SLC25A20: variants seen among roughly 807,000 people sequenced by gnomAD.
SLC25A20 encodes mitochondrial carnitine/acylcarnitine carrier protein.
A neutral mutation model predicts 39.7 loss-of-function variants in SLC25A20; 29 were observed. That is an observed-to-expected ratio of 0.73 (90% CI 0.54 to 1.00). The LOEUF is 1.00. Among genes scored for constraint, SLC25A20 ranks in the 50% least tolerant of loss-of-function variants. SLC25A20 has a pLI of 0.00. For synonymous variants in SLC25A20, 103 were observed against 142.2 expected (o/e 0.72, Z 1.96); for missense variants, 333 against 379.9 (o/e 0.88, Z 1.03).
rs370343905 is a variant in SLC25A20, at chr3:48,861,397, TGTAA to T, written c.535+1141_535+1144del. On this transcript the variant is annotated intron_variant, in intron 5 of 8. Transcript: ENST00000319017. Reference sequence around the variant, plus strand: ...GATGCTGCTCTGGGCCAAGCACTGGTGTAAGTGAGTACAAACACACATGATATAA... The same window carrying T: ...GATGCTGCTCTGGGCCAAGCACTGGTGTGAGTACAAACACACATGATATAA... Among the ~76,000 whole-genome samples the T allele has an allele frequency of 3.6e-3, 548 of 152,286 alleles. 2 individuals are homozygous for T. The highest frequency in any genetic ancestry group is 0.013 in the African/African-American group (533 of 41,568).
In SLC25A20 at chr3:48,893,587, G is replaced by A. The variant is rs146811685; in HGVS notation, c.106-1515C>T. On this transcript the variant is annotated intron_variant, in intron 1 of 8. Transcript: ENST00000319017. ...CTCACTGTCTCGCCCATGCTGGAGTGCAGTGGTATGATCTTGGCTCACTGC... is the reference window on the plus strand; with the variant it reads ...CTCACTGTCTCGCCCATGCTGGAGTACAGTGGTATGATCTTGGCTCACTGC... 1.2e-4 allele frequency among the ~76,000 whole-genome samples: 18 copies of A among 151,912 alleles called. No homozygotes were observed. In the East Asian group the frequency reaches 2.4e-3, roughly 20 times the overall value.
chr3:48,870,776 G>A (rs1301520264), intron 4 of SLC25A20, among the ~76,000 whole-genome samples: 1 of 149,534 alleles, frequency 6.7e-6, no homozygotes, highest in Non-Finnish European at 1.5e-5. Context: ...CTCCCAAAGC[G>A]CTAGGATGAT....
chr3:48,867,986 G>C (rs910979224), intron 4 of SLC25A20, among the ~76,000 whole-genome samples: 2 of 151,834 alleles, frequency 1.3e-5, no homozygotes, highest in African/African-American at 4.8e-5. Flanking sequence ...ACTTGAACCT[G>C]GGAGGCGGAG....
At chr3:48,891,758 C>T (rs1470523748) in intron 2 of SLC25A20, among the ~76,000 whole-genome samples, 1 of 152,128 alleles carries the variant, frequency 6.6e-6, no homozygotes, top group Non-Finnish European at 1.5e-5. Context: ...AAGAGAGAAC[C>T]ATTTTATTAG....
chr3:48,898,830 G>A lies in SLC25A20; in HGVS notation c.-36C>T, dbSNP rs1460480344. The A allele has an allele frequency of 6.5e-7, 1 of 1,540,950 alleles. No homozygotes were observed. Among genetic ancestry groups the A allele is most frequent in the Admixed American group, 2.0e-5 (1 of 51,004 alleles). On this transcript the variant is annotated 5_prime_UTR_variant, in exon 1 of 9. Coordinates refer to ENST00000319017, the MANE Select transcript of SLC25A20 (RefSeq NM_000387.6). ...TCTGTCACTCCGTCTGTCAGTTCTC[G>A]GGCCGTCCTGGCTTCTCAGCCCCAG...
At chr3:48,864,558 G>T (rs535333553) in intron 4 of SLC25A20, among the ~76,000 whole-genome samples, 32 of 150,692 alleles carry the variant, frequency 2.1e-4, no homozygotes, top group Non-Finnish European at 3.2e-4. Context: ...GAGTATCAAT[G>T]GTTTTTTTTT....
intron 4 of SLC25A20, 40 bp from the exon 5 acceptor site, chr3:48,862,699 A>G (rs1384431032): frequency 7.3e-7 from 1 of 1,364,490 alleles, no homozygotes. Flanking sequence ...GAAACATCAG[A>G]GTCACAGACC....
At chr3:48,895,063 C>G (rs1325190033) in intron 1 of SLC25A20, among the ~76,000 whole-genome samples, 2 of 151,954 alleles carry the variant, frequency 1.3e-5, no homozygotes, top group African/African-American at 4.8e-5. Context: ...GGCTGCACAG[C>G]AATGGTGCGA....
At chr3:48,867,781 C>A (rs1254583826) in intron 4 of SLC25A20, among the ~76,000 whole-genome samples, 6 of 151,724 alleles carry the variant, frequency 4.0e-5, no homozygotes, top group African/African-American at 1.4e-4. Flanking sequence ...AGCAGGGTGG[C>A]CGGGCATGGT....
chr3:48,882,767 T>C (rs948433362), intron 3 of SLC25A20, among the ~76,000 whole-genome samples: 6 of 152,142 alleles, frequency 3.9e-5, no homozygotes, highest in Admixed American at 3.9e-4. Flanking sequence ...TGTGTGCCTG[T>C]AGTCCCAGCT....
In SLC25A20 at chr3:48,888,207, GAAAAAAAAA is replaced by G. The variant is rs751937375; in HGVS notation, c.198+3764_198+3772del. On this transcript the variant is annotated intron_variant, in intron 2 of 8. Transcript: ENST00000319017. ...GAGTGGCAGAACAAGACTCCATCTCGAAAAAAAAAAAAAAAAAAAAAAGAAGGGTAGCAC... is the reference window on the plus strand; with the variant it reads ...GAGTGGCAGAACAAGACTCCATCTCGAAAAAAAAAAAAAGAAGGGTAGCAC... Among the ~76,000 whole-genome samples the G allele has an allele frequency of 1.4e-4, 6 of 44,266 alleles. No individual in the cohort carries two copies. The South Asian group carries it at 2.1e-3, about 15-fold the overall frequency. 29.0% of individuals were successfully genotyped at this position (44,266 alleles called of 152,430 possible). A position where few individuals can be genotyped will look rare whatever the true frequency, so the allele number is the denominator to read the frequency against.
chr3:48,879,523 G>T, intron 3 of SLC25A20, 75 bp from the exon 4 acceptor site: 1 of 966,378 alleles, frequency 1.0e-6, no homozygotes. Flanking sequence ...CCAGCAAAGA[G>T]GACAGTTTTG....
At chr3:48,866,502 C>T (rs137870517) in intron 4 of SLC25A20, among the ~76,000 whole-genome samples, 60 of 151,084 alleles carry the variant, frequency 4.0e-4, no homozygotes, top group African/African-American at 1.4e-3. Flanking sequence ...TGCAGTGAGC[C>T]GAGATTATGC....
Position 48,898,722 on chromosome 3 carries a change from C to G in SLC25A20, c.73G>C (p.Val25Leu). Residue 25 changes from valine to leucine, a missense_variant, in exon 1 of 9, where the codon GTG (valine) becomes CTG (leucine). Coordinates refer to ENST00000319017, the MANE Select transcript of SLC25A20 (RefSeq NM_000387.6). ...GTGTCCAGAGGGTGACCGACGAACA[C>G]CAGGCACACGCCGCCAAAGCCGCCG... ...LAGGFGGVCL[V>L]FVGHPLDTVK... 2 of 1,608,652 alleles carry G rather than the reference C, an allele frequency of 1.2e-6. No individual in the cohort carries two copies. The highest frequency in any genetic ancestry group is 8.5e-7 in the Non-Finnish European group (1 of 1,178,132).
At chr3:48,862,799 A>C in intron 4 of SLC25A20, 140 bp from the exon 5 acceptor site, 1 of 701,910 alleles carries the variant, frequency 1.4e-6, no homozygotes, top group South Asian at 1.5e-5. Flanking sequence ...AGTATCTGGA[A>C]TGTGTGATCT....
intron 1 of SLC25A20, among the ~76,000 whole-genome samples, chr3:48,897,766 T>G (rs1342033555): frequency 6.6e-6 from 1 of 152,076 alleles, no homozygotes; most frequent in African/African-American, 2.4e-5. Flanking sequence ...CCCCCTCACA[T>G]GGGCTTCCAA....
intron 2 of SLC25A20, among the ~76,000 whole-genome samples, chr3:48,888,207 G>GAAA (rs751937375): frequency 9.8e-4 from 43 of 43,858 alleles, no homozygotes; most frequent in Non-Finnish European, 1.5e-3. Flanking sequence ...ACTCCATCTC[G>GAAA]AAAAAAAAAA....
chr3:48,871,623 C>T (rs953094683), intron 4 of SLC25A20, among the ~76,000 whole-genome samples: 12 of 151,874 alleles, frequency 7.9e-5, no homozygotes, highest in Admixed American at 3.9e-4. Flanking sequence ...CAAAATTAGC[C>T]GGGCATGGTG....
chr3:48,891,890 C>A lies in SLC25A20; in HGVS notation c.198+90G>T, dbSNP rs552415788. On this transcript the variant is annotated intron_variant, in intron 2 of 8. Coordinates refer to ENST00000319017, the MANE Select transcript of SLC25A20 (RefSeq NM_000387.6). The stretch of plus-strand genomic sequence containing the variant: ...GCTGTGAGCTAGCTGTCCAGCAGAA[C>A]CACACAGTTAACCTACTCTCCTTGG... 1.0e-3 allele frequency: 1,048 copies of A among 1,052,458 alleles called. 1 individual carries two copies. Among genetic ancestry groups the A allele is most frequent in the Non-Finnish European group, 1.3e-3 (879 of 670,660 alleles). 65.2% of individuals were successfully genotyped at this position (1,052,458 alleles called of 1,614,324 possible).
Sources: gnomAD v4.1 joint callset for allele counts (sites outside exome capture counted in the v4.1 genomes callset) on GRCh38, gnomAD v4.1.1 for gene constraint, MANE v1.5 for transcripts, NCBI Gene and HGNC (gene_info 2026-07-23, HGNC 2026-07-21) for gene names.